The following RBFOX1 variants were observed in gnomAD, a reference collection of about 807,000 sequenced individuals.
RBFOX1 encodes the protein RNA binding fox-1 homolog 1.
A neutral mutation model predicts 57.7 loss-of-function variants in RBFOX1; 8 were observed. That is an observed-to-expected ratio of 0.14 (90% CI 0.08 to 0.25). The LOEUF is 0.25. Among genes scored for constraint, RBFOX1 ranks in the 10% least tolerant of loss-of-function variants. The probability of loss-of-function intolerance (pLI) is 1.00; values close to 1 mark genes in which losing one functional copy is unlikely to be tolerated. For synonymous variants in RBFOX1, 326 were observed against 222.4 expected, an observed-to-expected ratio of 1.47 and a Z score of -4.15; for missense variants, 611 against 548.5, an observed-to-expected ratio of 1.11 and a Z score of -1.14.
intron 4 of RBFOX1, among the ~76,000 whole-genome samples, chr16:7,225,921 A>ATATATATATATATAT (rs1567789355): frequency 1.9e-4 from 14 of 73,184 alleles, no homozygotes; most frequent in African/African-American, 1.1e-3. Flanking sequence ...TATATATATA[A>ATATATATATATATAT]ATGTGAATGT....
chr16:6,331,549 A>C (rs147655031), intron 2 of RBFOX1, among the ~76,000 whole-genome samples: 2,237 of 150,220 alleles, frequency 0.015, 63 homozygotes, highest in African/African-American at 0.047. Context: ...CTCTCTCTAT[A>C]TATATATATG....
At chr16:5,284,563 A>G (rs1036846503) in intron 1 of RBFOX1, among the ~76,000 whole-genome samples, 11 of 142,300 alleles carry the variant, frequency 7.7e-5, no homozygotes, top group South Asian at 2.2e-4. Context: ...TTTTTAGGCA[A>G]TGGAGTCTCA....
chr16:6,864,595 A>G (rs13337531), intron 3 of RBFOX1, among the ~76,000 whole-genome samples: 3 of 145,996 alleles, frequency 2.1e-5, no homozygotes, highest in Non-Finnish European at 3.0e-5. Context: ...AACAGGCTGG[A>G]TGTGTCAACG....
intron 3 of RBFOX1, among the ~76,000 whole-genome samples, chr16:6,736,032 TC>T (rs2154178284): frequency 6.6e-6 from 1 of 150,742 alleles, no homozygotes; most frequent in Non-Finnish European, 1.5e-5. Flanking sequence ...TTTAGAATTT[TC>T]AGCATGGTTA....
chr16:6,963,578 C>G (rs1289223450), intron 3 of RBFOX1, among the ~76,000 whole-genome samples: 1 of 152,068 alleles, frequency 6.6e-6, no homozygotes, highest in East Asian at 1.9e-4. Context: ...TGTAGGATTT[C>G]AACTATAGGC....
chr16:5,451,342 A>T (rs1440397027), intron 1 of RBFOX1, among the ~76,000 whole-genome samples: 1 of 152,234 alleles, frequency 6.6e-6, no homozygotes, highest in African/African-American at 2.4e-5. Flanking sequence ...ATCAACAGGG[A>T]TAATCTCCAC....
At chr16:7,207,195 G>T (rs556235365) in intron 4 of RBFOX1, among the ~76,000 whole-genome samples, 2 of 152,266 alleles carry the variant, frequency 1.3e-5, no homozygotes, top group South Asian at 2.1e-4. Flanking sequence ...CATTACCTTT[G>T]TGTCTTCCGT....
intron 1 of RBFOX1, among the ~76,000 whole-genome samples, chr16:5,447,796 G>A (rs1287494721): frequency 1.3e-5 from 2 of 152,186 alleles, no homozygotes. Flanking sequence ...AACTGGCTTT[G>A]CCCACTGCTC....
chr16:7,054,835 G>A (rs988920413), intron 4 of RBFOX1, among the ~76,000 whole-genome samples: 1 of 152,144 alleles, frequency 6.6e-6, no homozygotes, highest in African/African-American at 2.4e-5. Context: ...AGTGCATTCT[G>A]TTGTCAGAAT....
intron 3 of RBFOX1, among the ~76,000 whole-genome samples, chr16:6,884,104 G>A (rs1221387054): frequency 1.3e-5 from 2 of 152,208 alleles, no homozygotes; most frequent in Non-Finnish European, 2.9e-5. Flanking sequence ...GCGATGCGCT[G>A]CAGAAGAAGA....
intron 4 of RBFOX1, among the ~76,000 whole-genome samples, chr16:7,417,063 T>G (rs8046929): frequency 6.6e-6 from 1 of 151,924 alleles, no homozygotes. Context: ...TCATTTATAT[T>G]TAATTTTAAG....
intron 3 of RBFOX1, among the ~76,000 whole-genome samples, chr16:6,933,851 A>G (rs2076949170): frequency 6.6e-6 from 1 of 152,230 alleles, no homozygotes; most frequent in Non-Finnish European, 1.5e-5. Flanking sequence ...TTAAGAAATC[A>G]ATAATTGGGA....
At chr16:5,902,068 G>C (rs1394129938) in intron 4 of RBFOX1, among the ~76,000 whole-genome samples, 1 of 152,126 alleles carries the variant, frequency 6.6e-6, no homozygotes, top group African/African-American at 2.4e-5. Context: ...CATGTTTCTT[G>C]AATGAATTAA....
chr16:7,303,576 A>T (rs1261376640), intron 4 of RBFOX1, among the ~76,000 whole-genome samples: 7 of 152,340 alleles, frequency 4.6e-5, no homozygotes, highest in East Asian at 3.9e-4. Context: ...ACAAACAAAA[A>T]AAATAAATAA....
chr16:7,153,409 T>C (rs1443426777), intron 4 of RBFOX1, among the ~76,000 whole-genome samples: 1 of 152,058 alleles, frequency 6.6e-6, no homozygotes, highest in Non-Finnish European at 1.5e-5. Context: ...AGGAAAAATT[T>C]GGTTTAGGGA....
chr16:7,300,891 G>T (rs1284476571), intron 4 of RBFOX1, among the ~76,000 whole-genome samples: 2 of 152,136 alleles, frequency 1.3e-5, no homozygotes, highest in Admixed American at 6.5e-5. Context: ...ATTCCATTAA[G>T]GGTCCTTGTA....
In RBFOX1 at chr16:7,098,392, A is replaced by G. The variant is rs28460096; in HGVS notation, c.27+46294A>G. ...GCCATTTTAGCCAGGCTGGCCTCAA[A>G]CTCCTGACCTCAAGTGATCCACCTG... On this transcript the variant is annotated intron_variant, in intron 4 of 15. Coordinates refer to ENST00000550418, the MANE Select transcript of RBFOX1 (RefSeq NM_018723.4). Among the ~76,000 whole-genome samples the G allele has an allele frequency of 4.7e-3, 720 of 152,064 alleles. 7 individuals are homozygous for G. The highest frequency in any genetic ancestry group is 0.017 in the African/African-American group (688 of 41,478).
chr16:6,738,892 T>A (rs377446905), intron 3 of RBFOX1, among the ~76,000 whole-genome samples: 9 of 152,010 alleles, frequency 5.9e-5, no homozygotes, highest in African/African-American at 2.2e-4. Context: ...AATCCATGAG[T>A]TGAAAATGAA....
At chr16:7,502,762 G>A (rs537927314) in intron 4 of RBFOX1, among the ~76,000 whole-genome samples, 206 of 152,306 alleles carry the variant, frequency 1.4e-3, no homozygotes, top group African/African-American at 4.7e-3. Flanking sequence ...ACTGGCTCAT[G>A]CCTGTAATCC....
Sources: allele counts gnomAD v4.1 joint callset (sites outside exome capture counted in the v4.1 genomes callset), GRCh38; gene constraint gnomAD v4.1.1; transcripts MANE v1.5; gene names NCBI Gene and HGNC (gene_info 2026-07-23, HGNC 2026-07-21).